BANP: variants seen among roughly 807,000 people sequenced by gnomAD.
The protein encoded by BANP is protein BANP.
BANP carries 11 observed loss-of-function variants against 68.1 expected under a neutral mutation model. That is an observed-to-expected ratio of 0.16 (90% confidence interval 0.10 to 0.27). The LOEUF (loss-of-function observed/expected upper bound fraction) is 0.27, where lower values mean the gene tolerates loss of function less well. Among genes scored for constraint, BANP ranks in the 10% least tolerant of loss-of-function variants. BANP has a pLI of 1.00. For missense variants in BANP, 504 were observed against 722.7 expected, an observed-to-expected ratio of 0.70 and a Z score of 3.47; for synonymous variants, 329 against 303.2, an observed-to-expected ratio of 1.09 and a Z score of -0.88.
chr16:88,016,207 CTA>C (rs2074516412), intron 6 of BANP, among the ~76,000 whole-genome samples: 1 of 152,260 alleles, frequency 6.6e-6, no homozygotes, highest in East Asian at 1.9e-4. Context: ...CAAGCGGGGA[CTA>C]TGTCTGGGGC....
At chr16:88,040,320 C>T (rs535291274) in intron 11 of BANP, among the ~76,000 whole-genome samples, 1 of 151,568 alleles carries the variant, frequency 6.6e-6, no homozygotes, top group East Asian at 1.9e-4. Context: ...CCTGCTCATG[C>T]AGGCTTCGTC....
chr16:87,999,404 A>G (rs1598297310), intron 4 of BANP, among the ~76,000 whole-genome samples: 1 of 109,028 alleles, frequency 9.2e-6, no homozygotes, highest in East Asian at 2.9e-4. Context: ...GGCTGGACTT[A>G]CCTGTCCTTC....
intron 4 of BANP, among the ~76,000 whole-genome samples, chr16:87,985,272 CG>C (rs1477379213): frequency 7.9e-5 from 12 of 152,198 alleles, no homozygotes; most frequent in Non-Finnish European, 1.6e-4. Context: ...AAACGCTACC[CG>C]GCCGTCTTCC....
chr16:88,066,737 T>C (rs1425116352), intron 12 of BANP, among the ~76,000 whole-genome samples: 1 of 152,238 alleles, frequency 6.6e-6, no homozygotes, highest in Admixed American at 6.5e-5. Flanking sequence ...GTTCAGTTTT[T>C]TTTTCCCCCA....
chr16:87,979,627 C>G (rs1446730648), intron 2 of BANP, among the ~76,000 whole-genome samples: 1 of 151,982 alleles, frequency 6.6e-6, no homozygotes, highest in Admixed American at 6.6e-5. Context: ...GTGTTGGTGC[C>G]CTTGAAAGCA....
intron 11 of BANP, among the ~76,000 whole-genome samples, chr16:88,052,346 C>G (rs1236971312): frequency 1.3e-5 from 2 of 152,156 alleles, no homozygotes; most frequent in African/African-American, 4.8e-5. Flanking sequence ...GACTTGCTTT[C>G]TCCTATGTCT....
At chr16:88,033,473 G>A (rs2078644703) in intron 9 of BANP, among the ~76,000 whole-genome samples, 1 of 152,180 alleles carries the variant, frequency 6.6e-6, no homozygotes, top group Admixed American at 6.5e-5. Context: ...ACATGGTGGG[G>A]TGGGGCATTC....
Position 88,011,074 on chromosome 16 carries a change from A to G in BANP, c.655+4809A>G, listed in dbSNP as rs112731369. Among the ~76,000 whole-genome samples the G allele has an allele frequency of 9.6e-3, 1,466 of 152,326 alleles. 18 individuals carry two copies. Among genetic ancestry groups the G allele is most frequent in the African/African-American group, 0.033 (1,356 of 41,566 alleles). On this transcript the variant is annotated intron_variant, in intron 6 of 13. Transcript: ENST00000682872. ...CCACAATAAAACCAAGGGAAGCGGG[A>G]GACAGCAGCGTGAGAACAGTCATGG...
intron 1 of BANP, among the ~76,000 whole-genome samples, chr16:87,965,953 C>G (rs1315585902): frequency 3.9e-5 from 6 of 152,148 alleles, no homozygotes; most frequent in Admixed American, 3.9e-4. Context: ...TCTGGGTAGC[C>G]TGAGGTTTGC....
In BANP at chr16:88,070,344, T is replaced by C. The variant is rs1209012543; in HGVS notation, c.1378-1725T>C. On this transcript the variant is annotated intron_variant, in intron 12 of 13. Transcript: ENST00000682872. ...CCATGTCGGGCTGGCATCTGACACC[T>C]GGACTCAGAGGGCCTCTGCAGTAGG... 3.9e-5 allele frequency among the ~76,000 whole-genome samples: 6 copies of C among 152,282 alleles called. No homozygotes were observed. The East Asian group carries it at 1.2e-3, about 29-fold the overall frequency.
intron 11 of BANP, among the ~76,000 whole-genome samples, chr16:88,053,994 C>T (rs1389111623): frequency 1.0e-5 from 1 of 98,986 alleles, no homozygotes; most frequent in Non-Finnish European, 2.8e-5. Flanking sequence ...TCATCACCAT[C>T]ACCAACACAA....
intron 11 of BANP, among the ~76,000 whole-genome samples, chr16:88,053,868 T>TCCATC (rs2084108409): frequency 1.1e-5 from 1 of 88,290 alleles, no homozygotes; most frequent in African/African-American, 3.9e-5. Flanking sequence ...CCTCCTTCAC[T>TCCATC]ATCATCACCA....
chr16:87,975,282 A>T, intron 2 of BANP, 97 bp downstream of exon 2: 1 of 1,202,012 alleles, frequency 8.3e-7, no homozygotes, highest in Non-Finnish European at 1.2e-6. Flanking sequence ...AGCAGAAGAA[A>T]AAGTAATGCA....
intron 11 of BANP, among the ~76,000 whole-genome samples, chr16:88,056,084 G>C (rs1488065934): frequency 6.6e-6 from 1 of 152,214 alleles, no homozygotes; most frequent in African/African-American, 2.4e-5. Context: ...CCCTGTCTGG[G>C]GAGGTGGGGC....
At chr16:87,994,081 T>C (rs1340849029) in intron 4 of BANP, among the ~76,000 whole-genome samples, 1 of 152,100 alleles carries the variant, frequency 6.6e-6, no homozygotes, top group Non-Finnish European at 1.5e-5. Flanking sequence ...GGCCCTGGTG[T>C]TGGAGACCAG....
intron 2 of BANP, among the ~76,000 whole-genome samples, chr16:87,980,153 GAGA>G (rs1229573674): frequency 6.6e-6 from 1 of 152,140 alleles, no homozygotes; most frequent in African/African-American, 2.4e-5. Context: ...GCAAGGAAAT[GAGA>G]AGAAAAAACA....
intron 11 of BANP, among the ~76,000 whole-genome samples, chr16:88,051,580 G>A (rs1238186574): frequency 1.3e-5 from 2 of 152,192 alleles, no homozygotes; most frequent in African/African-American, 2.4e-5. Flanking sequence ...GGTGAGCCAC[G>A]GTTCCCTCTC....
intron 8 of BANP, among the ~76,000 whole-genome samples, chr16:88,028,354 G>C (rs911960362): frequency 6.6e-6 from 1 of 152,198 alleles, no homozygotes; most frequent in African/African-American, 2.4e-5. Context: ...AGTCTTTGTT[G>C]GCGGGAACCC....
At chr16:88,058,895 A>C (rs1434300725) in intron 11 of BANP, among the ~76,000 whole-genome samples, 1 of 152,194 alleles carries the variant, frequency 6.6e-6, no homozygotes, top group African/African-American at 2.4e-5. Context: ...AAGTGAGATC[A>C]ACGAAAAGCC....
Sources: allele counts gnomAD v4.1 joint callset (sites outside exome capture counted in the v4.1 genomes callset), GRCh38; gene constraint gnomAD v4.1.1; transcripts MANE v1.5; gene names NCBI Gene and HGNC (gene_info 2026-07-23, HGNC 2026-07-21).